Variants in MTRR observed in about 807,000 individuals in gnomAD.
MTRR encodes methionine synthase reductase.
Under a neutral mutation model 79.2 loss-of-function variants are expected in MTRR, and 63 were observed. The observed-to-expected ratio is 0.80, with a 90% confidence interval of 0.65 to 0.98. The LOEUF (loss-of-function observed/expected upper bound fraction) is 0.98, where lower values mean the gene tolerates loss of function less well. Among genes scored for constraint, MTRR ranks in the 50% least tolerant of loss-of-function variants. The probability of loss-of-function intolerance (pLI) is 0.00; values close to 1 mark genes in which losing one functional copy is unlikely to be tolerated. For synonymous variants in MTRR, 355 were observed against 313.3 expected (o/e 1.13, Z -1.41); for missense variants, 895 against 839.6 (o/e 1.07, Z -0.82).
upstream of MTRR, among the ~76,000 whole-genome samples, chr5:7,864,269 CATA>C (rs200325665): frequency 0.015 from 2,269 of 152,104 alleles, 28 homozygotes; most frequent in Non-Finnish European, 0.024. Flanking sequence ...ACAACATGAA[CATA>C]ATAAGTATAT....
At chr5:7,865,822 C>T, upstream of MTRR, 1 of 1,100,498 alleles carries the variant, frequency 9.1e-7, no homozygotes, top group Non-Finnish European at 1.4e-6. Flanking sequence ...GTTATTGAGA[C>T]AGATCAGAAG....
At chr5:7,898,576 G>A (rs1313938774) in intron 14 of MTRR, among the ~76,000 whole-genome samples, 1 of 152,178 alleles carries the variant, frequency 6.6e-6, no homozygotes, top group African/African-American at 2.4e-5. Flanking sequence ...CACTGAAGAA[G>A]CAAAATTGTC....
upstream of MTRR, chr5:7,866,717 G>T: frequency 6.2e-7 from 1 of 1,613,296 alleles, no homozygotes; most frequent in South Asian, 1.1e-5. Context: ...TTCATTAAGT[G>T]AACATGAATG....
chr5:7,880,621 A>T (rs1735428093), intron 5 of MTRR, among the ~76,000 whole-genome samples: 1 of 152,114 alleles, frequency 6.6e-6, no homozygotes. Context: ...TTCTCTCAGG[A>T]TGCTATTTTG....
At position 7,895,797 on chromosome 5, in the gene MTRR, A is replaced by C. The variant is rs752471011; in HGVS notation, c.1621A>C (p.Ile541Leu). The C allele has an allele frequency of 8.1e-6, 13 of 1,614,158 alleles. No individual in the cohort carries two copies. The highest frequency in any genetic ancestry group is 1.1e-5 in the Non-Finnish European group (13 of 1,179,996). The change falls in exon 12 of 15, where the codon ATA (isoleucine) becomes CTA (leucine). Residue 541 changes from isoleucine to leucine, a missense_variant. Coordinates refer to ENST00000440940, the MANE Select transcript of MTRR (RefSeq NM_002454.3). ...HLPDDPSIPI[I>L]MVGPGTGIAP... ...ACCAGATGACCCCTCAATCCCCATC[A>C]TAATGGTGGGTCCAGGAACCGGCAT... is the stretch of plus-strand genomic sequence containing the variant.
chr5:7,857,513 G>T (rs1230884232), intron 1 of MTRR, among the ~76,000 whole-genome samples: 3 of 152,184 alleles, frequency 2.0e-5, no homozygotes, highest in African/African-American at 7.2e-5. Context: ...TTTACACTGG[G>T]TGTTCCAGCC....
chr5:7,866,803 A>T (rs368966263), upstream of MTRR: 9 of 1,614,226 alleles, frequency 5.6e-6, no homozygotes, highest in Middle Eastern at 1.6e-4. Flanking sequence ...TTCTAAATAA[A>T]GCAGAGGCAT....
intron 9 of MTRR, chr5:7,890,316 C>T (rs1737333977): frequency 3.0e-6 from 3 of 985,146 alleles, no homozygotes; most frequent in African/African-American, 3.5e-5. Flanking sequence ...CTGAATGAGG[C>T]TGCTCTTCTC....
chr5:7,866,330 ATACAGT>A (rs148503071), upstream of MTRR, among the ~76,000 whole-genome samples: 73 of 129,336 alleles, frequency 5.6e-4, no homozygotes, highest in Admixed American at 3.7e-3. Context: ...AAAAAAAAAG[ATACAGT>A]TGCTCACTCA....
At chr5:7,869,312 T>G in intron 1 of MTRR, 97 bp downstream of exon 1, 14 of 1,470,478 alleles carry the variant, frequency 9.5e-6, no homozygotes, top group Non-Finnish European at 1.3e-5. Flanking sequence ...GGCAGCCGGC[T>G]TGCGCCCGTG....
chr5:7,852,573 C>G lies in MTRR; in HGVS notation n.391+988C>G, dbSNP rs552872634. Among the ~76,000 whole-genome samples, 202 of 152,212 alleles carry G rather than the reference C, an allele frequency of 1.3e-3. 1 individual carries two copies. The highest frequency in any genetic ancestry group is 2.7e-3 in the East Asian group (14 of 5,168). On this transcript the variant is annotated intron_variant and non_coding_transcript_variant, in intron 1 of 3. Coordinates refer to the MTRR transcript ENST00000502509. ...GGACCTAGCAACCTCATTGGAGCCA[C>G]TTGGAGAGGGTGACATATCCCTGGT...
chr5:7,886,364 A>C (rs539764299), intron 7 of MTRR, among the ~76,000 whole-genome samples: 22 of 152,124 alleles, frequency 1.4e-4, no homozygotes, highest in Non-Finnish European at 2.1e-4. Context: ...TCATTTCCTT[A>C]ATTTTAAATA....
In MTRR at chr5:7,899,947, T is replaced by G; in HGVS notation, c.1986T>G (p.Asp662Glu). Residue 662 changes from aspartate (D) to glutamate (E), a missense_variant, in exon 15 of 15, where the codon GAT (aspartate) becomes GAG (glutamate). Coordinates refer to ENST00000440940, the MANE Select transcript of MTRR (RefSeq NM_002454.3). ...DAKNMAKDVH[D>E]ALVQIISKEV... ...AGAATATGGCCAAGGATGTACATGA[T>G]GCCCTTGTGCAAATAATAAGCAAAG... The G allele has an allele frequency of 6.2e-7, 1 of 1,614,176 alleles. No homozygotes were observed. Among genetic ancestry groups the G allele is most frequent in the South Asian group, 1.1e-5 (1 of 91,084 alleles).
At chr5:7,867,071 A>G, upstream of MTRR, 1 of 1,614,198 alleles carries the variant, frequency 6.2e-7, no homozygotes, top group Non-Finnish European at 8.5e-7. Context: ...GAACGCCTCC[A>G]AGACTCTCCT....
chr5:7,900,334 A>G lies in MTRR; in HGVS notation c.*276A>G. ...GCTAAGGCAGCCTTCAGTCCCTATC[A>G]GCGCCTCCTTTACTTCCCAGAGAAC... On this transcript the variant is annotated 3_prime_UTR_variant, in exon 15 of 15. Coordinates refer to ENST00000440940, the MANE Select transcript of MTRR (RefSeq NM_002454.3). The G allele has an allele frequency of 2.4e-6, 1 of 411,904 alleles. No homozygotes were observed. Among genetic ancestry groups the G allele is most frequent in the Non-Finnish European group, 4.4e-6 (1 of 226,414 alleles). 25.5% of individuals were successfully genotyped at this position (411,904 alleles called of 1,614,324 possible).
chr5:7,894,407 C>T (rs930650040), intron 11 of MTRR, among the ~76,000 whole-genome samples: 1 of 152,202 alleles, frequency 6.6e-6, no homozygotes, highest in African/African-American at 2.4e-5. Flanking sequence ...AGCCTGTGGG[C>T]GTGGTGTAGC....
At chr5:7,879,914 G>C (rs1182943336) in intron 5 of MTRR, among the ~76,000 whole-genome samples, 1 of 152,214 alleles carries the variant, frequency 6.6e-6, no homozygotes, top group Non-Finnish European at 1.5e-5. Flanking sequence ...CGCAAAGCTG[G>C]TGGCCTTTTC....
intron 1 of MTRR, chr5:7,861,642 AATTTC>A: frequency 6.2e-7 from 1 of 1,608,852 alleles, no homozygotes; most frequent in South Asian, 1.1e-5. Flanking sequence ...CATCTAATTT[AATTTC>A]AACATCTGGT....
At position 7,897,668 on chromosome 5, in the gene MTRR, C is replaced by T. The variant is rs180674476; in HGVS notation, c.1952+421C>T. Among the ~76,000 whole-genome samples the T allele has an allele frequency of 1.6e-4, 24 of 152,228 alleles. 1 individual carries two copies. The East Asian group carries it at 4.2e-3, about 27-fold the overall frequency. On this transcript the variant is annotated intron_variant, in intron 14 of 14. Transcript: ENST00000440940. ...TGCTGAGAATGTGGATACTAGGATT[C>T]TTTTTCTGCTAGGCATAATTCTTGG...
Sources: allele counts gnomAD v4.1 joint callset (sites outside exome capture counted in the v4.1 genomes callset), GRCh38; gene constraint gnomAD v4.1.1; transcripts MANE v1.5; gene names NCBI Gene and HGNC (gene_info 2026-07-23, HGNC 2026-07-21).